Variants in METTL15 observed in about 807,000 individuals in gnomAD.
The protein encoded by METTL15 is 12S rRNA N(4)-cytidine methyltransferase METTL15.
A neutral mutation model predicts 38.3 loss-of-function variants in METTL15; 34 were observed. That is an observed-to-expected ratio of 0.89 (90% CI 0.68 to 1.18). METTL15 has a LOEUF of 1.18. Among genes scored for constraint, METTL15 ranks in the 50% most tolerant of loss-of-function variants. METTL15 has a pLI of 0.00. For synonymous variants in METTL15, 162 were observed against 170.9 expected, an observed-to-expected ratio of 0.95 and a Z score of 0.41; for missense variants, 438 against 498.4, an observed-to-expected ratio of 0.88 and a Z score of 1.15.
intron 6 of METTL15, among the ~76,000 whole-genome samples, chr11:28,320,059 G>A (rs573477967): frequency 1.3e-5 from 2 of 152,192 alleles, no homozygotes; most frequent in South Asian, 4.1e-4. Flanking sequence ...ATGAGAGCAA[G>A]GACTATGTAT....
intron 6 of METTL15, among the ~76,000 whole-genome samples, chr11:28,508,849 G>T (rs1851651548): frequency 6.6e-6 from 1 of 152,194 alleles, no homozygotes; most frequent in South Asian, 2.1e-4. Context: ...AAAGGCAAGG[G>T]ACATCATTTA....
chr11:28,339,988 G>A (rs1314591639), intron 3 of METTL15, among the ~76,000 whole-genome samples: 3 of 152,116 alleles, frequency 2.0e-5, no homozygotes, highest in African/African-American at 7.2e-5. Context: ...AGAACTAAGA[G>A]TAAACAATCA....
At chr11:28,415,853 G>C (rs529158375) in intron 5 of METTL15, among the ~76,000 whole-genome samples, 127 of 152,200 alleles carry the variant, frequency 8.3e-4, no homozygotes, top group African/African-American at 3.0e-3. Context: ...AGGCAGAAAG[G>C]GGTTTATTAT....
chr11:28,301,020 C>T (rs1031135226), intron 6 of METTL15, among the ~76,000 whole-genome samples: 2 of 152,096 alleles, frequency 1.3e-5, no homozygotes, highest in Non-Finnish European at 2.9e-5. Flanking sequence ...TTGCCAGTTC[C>T]ATAAATATAA....
chr11:28,480,932 G>A (rs1179863182), intron 6 of METTL15, among the ~76,000 whole-genome samples: 3 of 151,938 alleles, frequency 2.0e-5, no homozygotes, highest in African/African-American at 4.8e-5. Context: ...CCTTTAATGG[G>A]ACAAAAAAGG....
At chr11:28,297,038 C>T (rs1028046639) in intron 6 of METTL15, 107 bp downstream of exon 6, 1 of 1,116,956 alleles carries the variant, frequency 9.0e-7, no homozygotes, top group East Asian at 2.4e-5. Context: ...CATTAATCCC[C>T]CAGACTCCCT....
intron 6 of METTL15, among the ~76,000 whole-genome samples, chr11:28,314,764 C>T (rs942614769): frequency 6.6e-6 from 1 of 152,024 alleles, no homozygotes; most frequent in African/African-American, 2.4e-5. Flanking sequence ...GGGAGGGAAC[C>T]CAGTGGGAGA....
chr11:28,190,978 T>C (rs1194250469), intron 3 of METTL15, among the ~76,000 whole-genome samples: 2 of 151,390 alleles, frequency 1.3e-5, no homozygotes, highest in Non-Finnish European at 3.0e-5. Flanking sequence ...AATGGAGTTA[T>C]AACACTGAGC....
intron 3 of METTL15, among the ~76,000 whole-genome samples, chr11:28,143,973 G>C (rs1429567324): frequency 6.6e-6 from 1 of 152,080 alleles, no homozygotes; most frequent in Non-Finnish European, 1.5e-5. Context: ...TCATTTCCAG[G>C]TTAGGTTCTG....
intron 5 of METTL15, among the ~76,000 whole-genome samples, chr11:28,368,240 G>C (rs1181349088): frequency 6.7e-6 from 1 of 150,100 alleles, no homozygotes; most frequent in African/African-American, 2.4e-5. Context: ...GAAAAGTTTT[G>C]CAATCTATCC....
chr11:28,365,807 T>C (rs1214150420), intron 5 of METTL15, among the ~76,000 whole-genome samples: 1 of 152,128 alleles, frequency 6.6e-6, no homozygotes, highest in African/African-American at 2.4e-5. Context: ...ATCCCAGCAC[T>C]TTGGGAGGCT....
At chr11:28,238,959 G>T (rs574892314) in intron 4 of METTL15, among the ~76,000 whole-genome samples, 1 of 152,134 alleles carries the variant, frequency 6.6e-6, no homozygotes, top group South Asian at 2.1e-4. Context: ...ATTTTATTTG[G>T]ATTTTTTTTT....
In METTL15 at chr11:28,487,224, A is replaced by T. The variant is rs187096750; in HGVS notation, c.*425-39254A>T. Among the ~76,000 whole-genome samples, 7 of 152,300 alleles carry T rather than the reference A, an allele frequency of 4.6e-5. No homozygotes were observed. In the South Asian group the frequency reaches 1.2e-3, roughly 27 times the overall value. On this transcript the variant is annotated intron_variant and NMD_transcript_variant, in intron 6 of 7. Coordinates refer to the METTL15 transcript ENST00000532947. ...TTTAGAAATGTATTCTAAGAGAATC[A>T]TGCATCTTCAAAAGTATTTTGCTAT...
chr11:28,210,468 A>G (rs1852584459), intron 3 of METTL15, among the ~76,000 whole-genome samples: 1 of 151,728 alleles, frequency 6.6e-6, no homozygotes. Context: ...TACCCTAGGT[A>G]TTTTGACTTG....
chr11:28,415,388 G>A (rs1275046051), intron 5 of METTL15, among the ~76,000 whole-genome samples: 5 of 152,150 alleles, frequency 3.3e-5, no homozygotes, highest in African/African-American at 1.2e-4. Context: ...AGGGAATATA[G>A]CTATGAATCC....
chr11:28,254,102 T>A (rs1854868311), intron 4 of METTL15, among the ~76,000 whole-genome samples: 1 of 152,148 alleles, frequency 6.6e-6, no homozygotes, highest in South Asian at 2.1e-4. Context: ...CCACCAACAG[T>A]GTATAAGAGT....
chr11:28,153,416 T>C (rs1850160209), intron 3 of METTL15, among the ~76,000 whole-genome samples: 1 of 152,178 alleles, frequency 6.6e-6, no homozygotes, highest in Non-Finnish European at 1.5e-5. Context: ...TGGAACTTTC[T>C]GGAATGTTTC....
chr11:28,240,297 G>T (rs914549838), intron 4 of METTL15, among the ~76,000 whole-genome samples: 1 of 152,136 alleles, frequency 6.6e-6, no homozygotes, highest in East Asian at 1.9e-4. Flanking sequence ...TAAACGAGAA[G>T]AATGTGCTTT....
chr11:28,165,723 AT>A (rs1399675626), intron 3 of METTL15, among the ~76,000 whole-genome samples: 1 of 149,668 alleles, frequency 6.7e-6, no homozygotes, highest in Non-Finnish European at 1.5e-5. Context: ...TAAAAAAAAA[AT>A]TGCTTGGATC....
Sources: allele counts gnomAD v4.1 joint callset (sites outside exome capture counted in the v4.1 genomes callset), GRCh38; gene constraint gnomAD v4.1.1; transcripts MANE v1.5; gene names NCBI Gene and HGNC (gene_info 2026-07-23, HGNC 2026-07-21).